The following INPP4B variants were observed in gnomAD, a reference collection of about 807,000 sequenced individuals.
The protein encoded by INPP4B is inositol polyphosphate-4-phosphatase type II B.
A neutral mutation model predicts 122.5 loss-of-function variants in INPP4B; 55 were observed. The ratio of observed to expected loss-of-function variants is 0.45; its 90% confidence interval spans 0.36 to 0.56. The LOEUF is 0.56. INPP4B is among the 20% of genes least tolerant of loss of function. The probability of loss-of-function intolerance (pLI) is 0.00; values close to 1 mark genes in which losing one functional copy is unlikely to be tolerated. For missense variants in INPP4B, 1,000 were observed against 1,097.7 expected (o/e 0.91, Z 1.26); for synonymous variants, 403 against 388.7 (o/e 1.04, Z -0.43).
chr4:142,072,188 G>A (rs1180978652), intron 25 of INPP4B, among the ~76,000 whole-genome samples: 1 of 152,106 alleles, frequency 6.6e-6, no homozygotes, highest in Non-Finnish European at 1.5e-5. Flanking sequence ...CCTTTGTAGG[G>A]ACATGGATGA....
intron 25 of INPP4B, among the ~76,000 whole-genome samples, chr4:142,033,549 G>A (rs1366750440): frequency 6.6e-6 from 1 of 152,178 alleles, no homozygotes; most frequent in South Asian, 2.1e-4. Context: ...GTCATTCTGT[G>A]CATTTCTCAA....
intron 2 of INPP4B, among the ~76,000 whole-genome samples, chr4:142,721,724 G>A (rs1764714350): frequency 6.6e-6 from 1 of 152,092 alleles, no homozygotes; most frequent in African/African-American, 2.4e-5. Context: ...GGGAGGCTGA[G>A]GCAGGAGAAT....
At chr4:142,327,216 C>T (rs1772705720) in intron 7 of INPP4B, among the ~76,000 whole-genome samples, 1 of 152,074 alleles carries the variant, frequency 6.6e-6, no homozygotes, top group South Asian at 2.1e-4. Flanking sequence ...TGAACAAAAG[C>T]ACACGTCTAT....
At chr4:142,526,736 T>G (rs1826965360) in intron 2 of INPP4B, among the ~76,000 whole-genome samples, 1 of 152,100 alleles carries the variant, frequency 6.6e-6, no homozygotes, top group Non-Finnish European at 1.5e-5. Context: ...TCTTTAGTGT[T>G]TCTCATATGC....
At chr4:142,150,216 T>C (rs1468401049) in intron 17 of INPP4B, among the ~76,000 whole-genome samples, 4 of 152,162 alleles carry the variant, frequency 2.6e-5, no homozygotes, top group Admixed American at 2.0e-4. Flanking sequence ...AATCACACAA[T>C]TAGTTTCAGA....
At chr4:142,044,410 T>C (rs1750131715) in intron 25 of INPP4B, among the ~76,000 whole-genome samples, 1 of 152,092 alleles carries the variant, frequency 6.6e-6, no homozygotes, top group Admixed American at 6.6e-5. Context: ...TGTAAGTAAG[T>C]ATGTGTCAAA....
At chr4:142,528,126 GTATAAAGTA>G (rs999842788) in intron 2 of INPP4B, among the ~76,000 whole-genome samples, 1 of 152,020 alleles carries the variant, frequency 6.6e-6, no homozygotes, top group African/African-American at 2.4e-5. Flanking sequence ...TTGAAAGTAT[GTATAAAGTA>G]TATAAAGTAC....
In INPP4B at chr4:142,567,700, A is replaced by G. The variant is rs371815575; in HGVS notation, c.-190-104974T>C. Among the ~76,000 whole-genome samples, 68 of 152,272 alleles carry G rather than the reference A, an allele frequency of 4.5e-4. 1 individual carries two copies. In the East Asian group the frequency reaches 0.01, roughly 23 times the overall value. ...TGGGAAAAGGTACACTTTAAAAAGC[A>G]TATCTCCTACATAAACACAGCACTT... On this transcript the variant is annotated intron_variant, in intron 2 of 25. Transcript: ENST00000262992.
At chr4:142,462,573 T>A (rs1019238202) in intron 3 of INPP4B, 90 bp downstream of exon 3, 1 of 152,206 alleles carries the variant, frequency 6.6e-6, no homozygotes, top group Admixed American at 6.5e-5. Context: ...CTGGCATTAT[T>A]GTAAAATATT....
At chr4:142,266,946 T>C (rs1386634356) in intron 10 of INPP4B, among the ~76,000 whole-genome samples, 1 of 151,952 alleles carries the variant, frequency 6.6e-6, no homozygotes, top group Non-Finnish European at 1.5e-5. Flanking sequence ...GAAAAAGAAA[T>C]TAAGAAATCA....
At chr4:142,728,852 G>C (rs1340552345) in intron 1 of INPP4B, among the ~76,000 whole-genome samples, 1 of 152,164 alleles carries the variant, frequency 6.6e-6, no homozygotes, top group African/African-American at 2.4e-5. Flanking sequence ...TACTTAATTA[G>C]TGGTAATGTG....
intron 9 of INPP4B, among the ~76,000 whole-genome samples, chr4:142,285,919 GA>G (rs1345122605): frequency 6.6e-6 from 1 of 152,118 alleles, no homozygotes; most frequent in Non-Finnish European, 1.5e-5. Flanking sequence ...ATAAAGATCT[GA>G]AAGTTTCCAT....
intron 1 of INPP4B, among the ~76,000 whole-genome samples, chr4:142,799,388 A>G (rs891157950): frequency 6.6e-6 from 1 of 151,910 alleles, no homozygotes; most frequent in Non-Finnish European, 1.5e-5. Context: ...ACAAATGATC[A>G]TAATCCACCC....
At chr4:142,779,514 C>G (rs911965387) in intron 1 of INPP4B, among the ~76,000 whole-genome samples, 1 of 152,080 alleles carries the variant, frequency 6.6e-6, no homozygotes, top group Non-Finnish European at 1.5e-5. Flanking sequence ...TTCCTTCCAT[C>G]CTTTCTACAA....
At chr4:142,800,587 A>C (rs934566802) in intron 1 of INPP4B, among the ~76,000 whole-genome samples, 1 of 152,174 alleles carries the variant, frequency 6.6e-6, no homozygotes, top group Admixed American at 6.5e-5. Flanking sequence ...GGAAAGGGAA[A>C]ACCCTAAAAA....
intron 2 of INPP4B, among the ~76,000 whole-genome samples, chr4:142,466,786 C>G (rs1163278210): frequency 6.6e-6 from 1 of 152,148 alleles, no homozygotes; most frequent in East Asian, 1.9e-4. Flanking sequence ...TTTCAGGGGC[C>G]AGGTTCAGGG....
At chr4:142,325,640 G>C (rs189381478) in intron 7 of INPP4B, among the ~76,000 whole-genome samples, 31 of 152,272 alleles carry the variant, frequency 2.0e-4, no homozygotes, top group Non-Finnish European at 4.0e-4. Context: ...TAGTTTGGAT[G>C]CTCTAACCTT....
At chr4:142,714,292 C>T (rs1215138532) in intron 2 of INPP4B, among the ~76,000 whole-genome samples, 1 of 152,116 alleles carries the variant, frequency 6.6e-6, no homozygotes, top group Non-Finnish European at 1.5e-5. Context: ...AAAATTGGTG[C>T]CACTGTCATT....
chr4:142,167,816 T>G (rs933360228), intron 16 of INPP4B, among the ~76,000 whole-genome samples: 1 of 151,696 alleles, frequency 6.6e-6, no homozygotes, highest in African/African-American at 2.4e-5. Flanking sequence ...TGCCTATTCT[T>G]TTGTGTACAT....
Sources: gnomAD v4.1 joint callset for allele counts (sites outside exome capture counted in the v4.1 genomes callset) on GRCh38, gnomAD v4.1.1 for gene constraint, MANE v1.5 for transcripts, NCBI Gene and HGNC (gene_info 2026-07-23, HGNC 2026-07-21) for gene names.